PREPL: variants seen among roughly 807,000 people sequenced by gnomAD.
PREPL encodes prolyl endopeptidase-like.
Under a neutral mutation model 70.6 loss-of-function variants are expected in PREPL, and 77 were observed. That is an observed-to-expected ratio of 1.09 (90% CI 0.91 to 1.32). The LOEUF (loss-of-function observed/expected upper bound fraction) is 1.32, where lower values mean the gene tolerates loss of function less well. PREPL is among the 40% of genes most tolerant of loss of function. PREPL has a pLI of 0.00. For missense variants in PREPL, 1,002 were observed against 778.2 expected, an observed-to-expected ratio of 1.29 and a Z score of -3.42; for synonymous variants, 315 against 264.8, an observed-to-expected ratio of 1.19 and a Z score of -1.84.
intron 8 of PREPL, among the ~76,000 whole-genome samples, chr2:44,331,419 T>A (rs923594947): frequency 2.6e-5 from 4 of 152,110 alleles, no homozygotes; most frequent in Non-Finnish European, 5.9e-5. Context: ...TTTCACCATA[T>A]TGGCCAGGCT....
intron 11 of PREPL, 51 bp downstream of exon 11, chr2:44,323,208 TTTA>T (rs924163835): frequency 9.1e-5 from 134 of 1,480,150 alleles, no homozygotes; most frequent in Non-Finnish European, 1.2e-4. Flanking sequence ...AAGTTTTTTT[TTTA>T]TTATCTTCTG....
rs1243604038 is a variant in PREPL, at chr2:44,320,133, ATT to A, written c.*1221_*1222del. Reference sequence around the variant, plus strand: ...TTGGGTAAATAACTCCTTACAATATATTAAAAATACTTACAAACAATTCTTAG... The same window carrying A: ...TTGGGTAAATAACTCCTTACAATATAAAAAATACTTACAAACAATTCTTAG... On this transcript the variant is annotated 3_prime_UTR_variant, in exon 14 of 14. Transcript: ENST00000409411. 1.4e-5 allele frequency: 19 copies of A among 1,403,356 alleles called. No homozygotes were observed. Among genetic ancestry groups the A allele is most frequent in the Non-Finnish European group, 1.9e-5 (19 of 1,017,264 alleles). The allele number at this position is 1,403,356 out of a possible 1,614,324, so 86.9% of individuals were successfully genotyped here. A position where few individuals can be genotyped will look rare whatever the true frequency, so the allele number is the denominator to read the frequency against.
chr2:44,332,976 A>G (rs997686899), intron 7 of PREPL, among the ~76,000 whole-genome samples: 1 of 152,242 alleles, frequency 6.6e-6, no homozygotes, highest in African/African-American at 2.4e-5. Flanking sequence ...AAATGGAAGA[A>G]TAAGAGCAAA....
chr2:44,326,575 T>C (rs567616100), intron 10 of PREPL, 137 bp downstream of exon 10: 36 of 815,708 alleles, frequency 4.4e-5, no homozygotes, highest in Non-Finnish European at 6.7e-5. Flanking sequence ...TGGTAAGCAA[T>C]CTGCCCACCT....
At chr2:44,350,965 C>CA (rs1553361969) in intron 1 of PREPL, among the ~76,000 whole-genome samples, 1 of 150,226 alleles carries the variant, frequency 6.7e-6, no homozygotes, top group Non-Finnish European at 1.5e-5. Context: ...AACTCCCTGG[C>CA]TTTTTTTTTG....
rs372780470 is a variant in PREPL, at chr2:44,349,047, C to T, written c.-48-2657G>A. Among the ~76,000 whole-genome samples, 6 of 152,318 alleles carry T rather than the reference C, an allele frequency of 3.9e-5. No homozygotes were observed. In the South Asian group the frequency reaches 1.2e-3, roughly 32 times the overall value. ...TGAGAAGGTTACTGGTACAGTATCA[C>T]TCCATTAGTGGTAAAAAGAAGCACT... On this transcript the variant is annotated intron_variant, in intron 1 of 13. Transcript: ENST00000409411.
intron 1 of PREPL, chr2:44,360,532 A>C (rs1039164987): frequency 6.6e-6 from 1 of 152,352 alleles, no homozygotes; most frequent in Admixed American, 6.5e-5. Flanking sequence ...CAAGATGCAC[A>C]AATAAAATGT....
chr2:44,321,936 G>A (rs771080104), intron 12 of PREPL, 36 bp from the exon 13 acceptor site: 2 of 1,584,038 alleles, frequency 1.3e-6, no homozygotes, highest in South Asian at 1.1e-5. Context: ...TTAGAAGATT[G>A]TATGGGATCT....
intron 9 of PREPL, among the ~76,000 whole-genome samples, chr2:44,328,341 G>T (rs1220925002): frequency 7.2e-6 from 1 of 139,754 alleles, no homozygotes; most frequent in South Asian, 2.3e-4. Flanking sequence ...GGAGCCTGAA[G>T]CATGAGAATC....
At chr2:44,333,216 G>A (rs1238350570) in intron 7 of PREPL, among the ~76,000 whole-genome samples, 1 of 152,158 alleles carries the variant, frequency 6.6e-6, no homozygotes, top group African/African-American at 2.4e-5. Context: ...CCATTGTGCA[G>A]AACAAAACCT....
Position 44,346,382 on chromosome 2 carries a change from C to T in PREPL, c.-40G>A. 1 of 1,610,594 alleles carries T rather than the reference C, an allele frequency of 6.2e-7. No homozygotes were observed. Among genetic ancestry groups the T allele is most frequent in the Non-Finnish European group, 8.5e-7 (1 of 1,179,100 alleles). ...GTTTTTCGTTTTCTTGTTTAACAGG[C>T]TGAAGATCCTGGAAAAAGTTTTGTT... is the stretch of plus-strand genomic sequence containing the variant. On this transcript the variant is annotated 5_prime_UTR_variant, in exon 2 of 14. Coordinates refer to ENST00000409411, the MANE Select transcript of PREPL (RefSeq NM_001171613.2).
chr2:44,324,872 G>C (rs1299642787), intron 10 of PREPL, among the ~76,000 whole-genome samples: 1 of 152,026 alleles, frequency 6.6e-6, no homozygotes, highest in East Asian at 1.9e-4. Flanking sequence ...CTGGGTGAAA[G>C]AGCAAAACTC....
Position 44,317,697 on chromosome 2 carries a change from A to C in PREPL, c.*3659T>G, listed in dbSNP as rs945979229. On this transcript the variant is annotated 3_prime_UTR_variant, in exon 14 of 14. Transcript: ENST00000409411. ...TCAAAGAACACTAGACATAAAATAT[A>C]ACAATTTTCAAATTTTCAAAGAATA... 6.6e-6 allele frequency: 1 copy of C among 152,460 alleles called. No homozygotes were observed. The highest frequency in any genetic ancestry group is 1.5e-5 in the Non-Finnish European group (1 of 68,270). 9.4% of individuals were successfully genotyped at this position (152,460 alleles called of 1,614,324 possible). A position where few individuals can be genotyped will look rare whatever the true frequency, so the allele number is the denominator to read the frequency against.
chr2:44,323,952 G>A (rs1041864936), intron 10 of PREPL, among the ~76,000 whole-genome samples: 1 of 152,150 alleles, frequency 6.6e-6, no homozygotes, highest in African/African-American at 2.4e-5. Flanking sequence ...TGAAAGCAGG[G>A]TCTTAAAGAG....
rs1406661213 is a variant in PREPL, at chr2:44,326,778, A to G, written c.1413T>C (p.Ala471=). ...ACAATGCTCCTGCAAGCACCCCTCC[A>G]GCACTGAAAGCAGTCAGGGTTGTTA... ...PSLTTLTAFS[A]GGVLAGALCN... Residue 471 remains alanine (A), a synonymous_variant, in exon 10 of 14, where the codon GCT becomes GCC. Coordinates refer to ENST00000409411, the MANE Select transcript of PREPL (RefSeq NM_001171613.2). The G allele has an allele frequency of 1.2e-6, 2 of 1,614,168 alleles. No homozygotes were observed. Among genetic ancestry groups the G allele is most frequent in the Admixed American group, 3.3e-5 (2 of 60,016 alleles).
At chr2:44,353,073 T>G (rs1676620650) in intron 1 of PREPL, among the ~76,000 whole-genome samples, 1 of 151,168 alleles carries the variant, frequency 6.6e-6, no homozygotes, top group Non-Finnish European at 1.5e-5. Flanking sequence ...ATAGCAAGAC[T>G]CTGTCTCTAT....
chr2:44,359,399 T>A (rs1677414596), intron 1 of PREPL: 1 of 961,062 alleles, frequency 1.0e-6, no homozygotes, highest in Non-Finnish European at 1.6e-6. Flanking sequence ...TTAGAATTAC[T>A]GAGAAAATTA....
At position 44,321,268 on chromosome 2, in the gene PREPL, G is replaced by T; in HGVS notation, c.*88C>A. On this transcript the variant is annotated 3_prime_UTR_variant, in exon 14 of 14. Transcript: ENST00000409411. The stretch of plus-strand genomic sequence containing the variant: ...AAAATTAATAACTTAAAAGTCTCAA[G>T]TTATTAATTTTTTTTTTGCTAACTC... 1.7e-6 allele frequency: 2 copies of T among 1,146,404 alleles called. No individual in the cohort carries two copies. The highest frequency in any genetic ancestry group is 1.2e-6 in the Non-Finnish European group (1 of 801,506). 71.0% of individuals were successfully genotyped at this position (1,146,404 alleles called of 1,614,324 possible).
chr2:44,340,228 C>A (rs749034652), intron 5 of PREPL, among the ~76,000 whole-genome samples: 5 of 151,842 alleles, frequency 3.3e-5, no homozygotes, highest in African/African-American at 4.8e-5. Flanking sequence ...AACAATATAA[C>A]AAGAAACATA....
Sources: allele counts gnomAD v4.1 joint callset (sites outside exome capture counted in the v4.1 genomes callset), GRCh38; gene constraint gnomAD v4.1.1; transcripts MANE v1.5; gene names NCBI Gene and HGNC (gene_info 2026-07-23, HGNC 2026-07-21).